The following CGNL1 variants were observed in gnomAD, a reference collection of about 807,000 sequenced individuals.
CGNL1 encodes the protein cingulin-like protein 1.
A neutral mutation model predicts 141.2 loss-of-function variants in CGNL1; 132 were observed. That is an observed-to-expected ratio of 0.93 (90% CI 0.81 to 1.08). The LOEUF (loss-of-function observed/expected upper bound fraction) is 1.08. CGNL1 is among the 50% of genes least tolerant of loss of function. The probability of loss-of-function intolerance (pLI) is 0.00; values close to 1 mark genes in which losing one functional copy is unlikely to be tolerated. For synonymous variants in CGNL1, 690 were observed against 622.1 expected, an observed-to-expected ratio of 1.11 and a Z score of -1.63; for missense variants, 1,870 against 1,588.6, an observed-to-expected ratio of 1.18 and a Z score of -3.01.
intron 8 of CGNL1, among the ~76,000 whole-genome samples, chr15:57,496,400 A>G (rs548911292): frequency 4.6e-5 from 7 of 152,124 alleles, no homozygotes; most frequent in Non-Finnish European, 8.8e-5. Flanking sequence ...CACAAACCCT[A>G]TTGTTAACTG....
At chr15:57,497,305 A>G (rs1229213591) in intron 8 of CGNL1, among the ~76,000 whole-genome samples, 2 of 142,640 alleles carry the variant, frequency 1.4e-5, no homozygotes, top group African/African-American at 5.2e-5. Context: ...GGCGGAACTC[A>G]CTGTTTGTTT....
At chr15:57,547,229 A>C in intron 18 of CGNL1, 126 bp from the exon 19 acceptor site, 1 of 1,033,466 alleles carries the variant, frequency 9.7e-7, no homozygotes, top group Non-Finnish European at 1.4e-6. Flanking sequence ...TGTTACATTC[A>C]TGTGTTTCTT....
At chr15:57,460,622 C>G (rs1259605827) in intron 7 of CGNL1, among the ~76,000 whole-genome samples, 1 of 152,166 alleles carries the variant, frequency 6.6e-6, no homozygotes, top group South Asian at 2.1e-4. Context: ...CACAAGGCAA[C>G]AGGAGAGAGA....
chr15:57,526,245 T>G (rs2031606327), intron 12 of CGNL1, among the ~76,000 whole-genome samples: 1 of 152,098 alleles, frequency 6.6e-6, no homozygotes, highest in African/African-American at 2.4e-5. Flanking sequence ...TTCTCACTGA[T>G]GCAGCCCTGT....
At chr15:57,500,422 G>C (rs2064007057) in intron 8 of CGNL1, among the ~76,000 whole-genome samples, 1 of 152,200 alleles carries the variant, frequency 6.6e-6, no homozygotes, top group Admixed American at 6.5e-5. Context: ...CCACGGCTGA[G>C]ATGTCCCTGT....
At chr15:57,461,335 G>C (rs1595728220) in intron 7 of CGNL1, among the ~76,000 whole-genome samples, 1 of 152,178 alleles carries the variant, frequency 6.6e-6, no homozygotes, top group South Asian at 2.1e-4. Flanking sequence ...AGCACACACA[G>C]GGCAAGAGCA....
At chr15:57,394,290 A>G (rs1238353934) in intron 1 of CGNL1, among the ~76,000 whole-genome samples, 1 of 151,444 alleles carries the variant, frequency 6.6e-6, no homozygotes, top group East Asian at 1.9e-4. Context: ...AGCCCAGCTA[A>G]TTTTTTGTAT....
intron 8 of CGNL1, among the ~76,000 whole-genome samples, chr15:57,494,090 A>C (rs2063903301): frequency 6.6e-6 from 1 of 152,248 alleles, no homozygotes; most frequent in African/African-American, 2.4e-5. Flanking sequence ...TGAACCTGAA[A>C]ATCACTTAAA....
chr15:57,543,854 A>C, intron 15 of CGNL1, 75 bp downstream of exon 15: 1 of 1,135,314 alleles, frequency 8.8e-7, no homozygotes, highest in South Asian at 1.3e-5. Context: ...TTTGAACTAG[A>C]AGCCCTTGGA....
intron 8 of CGNL1, among the ~76,000 whole-genome samples, chr15:57,468,921 A>G (rs1270125851): frequency 6.6e-6 from 1 of 152,204 alleles, no homozygotes; most frequent in Non-Finnish European, 1.5e-5. Flanking sequence ...GCCTGCTGCC[A>G]TCCAAGACGG....
At chr15:57,539,958 T>C (rs2032475037) in intron 14 of CGNL1, among the ~76,000 whole-genome samples, 1 of 152,216 alleles carries the variant, frequency 6.6e-6, no homozygotes, top group African/African-American at 2.4e-5. Flanking sequence ...GAGATAATAC[T>C]ATTCAAATCC....
At chr15:57,469,340 G>A (rs1845209311) in intron 8 of CGNL1, among the ~76,000 whole-genome samples, 1 of 151,382 alleles carries the variant, frequency 6.6e-6, no homozygotes, top group African/African-American at 2.4e-5. Context: ...TGTGAACAAT[G>A]AGTGAGGAGC....
chr15:57,546,991 T>G (rs1382153203), intron 18 of CGNL1, among the ~76,000 whole-genome samples: 3 of 152,178 alleles, frequency 2.0e-5, no homozygotes, highest in Non-Finnish European at 4.4e-5. Context: ...AAAATCTCAA[T>G]AATTAAGATA....
intron 18 of CGNL1, 107 bp from the exon 19 acceptor site, chr15:57,547,248 C>A: frequency 8.1e-7 from 1 of 1,242,202 alleles, no homozygotes; most frequent in Non-Finnish European, 1.1e-6. Context: ...TTTTCTGTGC[C>A]ACTCAGTGGG....
At chr15:57,466,315 G>A (rs528936938) in intron 8 of CGNL1, among the ~76,000 whole-genome samples, 59 of 152,290 alleles carry the variant, frequency 3.9e-4, no homozygotes, top group South Asian at 1.2e-3. Context: ...GGAAATGGGC[G>A]CTCAATAGGG....
rs776780729 is a variant in CGNL1, at chr15:57,531,680, T to A, written c.3202-10T>A. ...AGTTAAGTCAACTGTGTTTGTGATTTCCTTCTTAGGACAAGGTGTCTCAAC... is the reference window on the plus strand; with the variant it reads ...AGTTAAGTCAACTGTGTTTGTGATTACCTTCTTAGGACAAGGTGTCTCAAC... On this transcript the variant is annotated splice_polypyrimidine_tract_variant and intron_variant, in intron 13 of 18. Transcript: ENST00000281282. 1 of 1,592,086 alleles carries A rather than the reference T, an allele frequency of 6.3e-7. No individual in the cohort carries two copies. The highest frequency in any genetic ancestry group is 8.6e-7 in the Non-Finnish European group (1 of 1,159,918).
chr15:57,540,716 C>G (rs1235512130), intron 14 of CGNL1, among the ~76,000 whole-genome samples: 2 of 152,218 alleles, frequency 1.3e-5, no homozygotes, highest in African/African-American at 4.8e-5. Context: ...CATAGTGACA[C>G]TGACCTCTTA....
chr15:57,453,528 C>G (rs942521365), intron 6 of CGNL1, among the ~76,000 whole-genome samples, 155 bp from the exon 7 acceptor site: 2 of 152,148 alleles, frequency 1.3e-5, no homozygotes, highest in African/African-American at 4.8e-5. Context: ...GCCACCTTTT[C>G]AGGTTGGTGA....
At chr15:57,379,061 TGTGA>T (rs1237337657) in intron 1 of CGNL1, among the ~76,000 whole-genome samples, 10 of 152,096 alleles carry the variant, frequency 6.6e-5, no homozygotes, top group Non-Finnish European at 1.0e-4. Context: ...TGTGTGTGTG[TGTGA>T]GTGAGTGAGA....
Sources: allele counts gnomAD v4.1 joint callset (sites outside exome capture counted in the v4.1 genomes callset), GRCh38; gene constraint gnomAD v4.1.1; transcripts MANE v1.5; gene names NCBI Gene and HGNC (gene_info 2026-07-23, HGNC 2026-07-21).